SEC16B: variants seen among roughly 807,000 people sequenced by gnomAD.
SEC16B encodes protein transport protein Sec16B.
A neutral mutation model predicts 141.8 loss-of-function variants in SEC16B; 115 were observed. That is an observed-to-expected ratio of 0.81 (90% CI 0.70 to 0.95). SEC16B has a LOEUF of 0.95. Ranked by LOEUF, SEC16B falls within the 40% of genes least tolerant of loss-of-function variation. The probability of loss-of-function intolerance (pLI) is 0.00; values close to 1 mark genes in which losing one functional copy is unlikely to be tolerated. For synonymous variants in SEC16B, 493 were observed against 492.5 expected, an observed-to-expected ratio of 1.00 and a Z score of -0.01; for missense variants, 1,291 against 1,312.3, an observed-to-expected ratio of 0.98 and a Z score of 0.25.
Position 177,965,973 on chromosome 1 carries a change from T to C in SEC16B, c.332A>G (p.Gln111Arg). Residue 111 changes from glutamine (Q) to arginine (R), a missense_variant, in exon 3 of 26, where the codon CAG becomes CGG. Around this residue, in one of 3 missense-constraint regions of SEC16B, gnomAD observed 681 missense variants for 675.5 expected, o/e 1.01. Coordinates refer to ENST00000308284, the MANE Select transcript of SEC16B (RefSeq NM_033127.4). ...ATATTCCTCCCTCATTGTGGGAGAC[T>C]GATAGCTCTGATATGAATTCTCATA... ...PGYENSYQSY[Q>R]SPTMREEYAY... 2 of 1,591,006 alleles carry C rather than the reference T, an allele frequency of 1.3e-6. No homozygotes were observed. Among genetic ancestry groups the C allele is most frequent in the Non-Finnish European group, 1.7e-6 (2 of 1,166,934 alleles).
intron 25 of SEC16B, 25 bp downstream of exon 25, chr1:177,930,520 C>T (rs1157662915): frequency 6.4e-7 from 1 of 1,557,926 alleles, no homozygotes; most frequent in Non-Finnish European, 8.8e-7. Flanking sequence ...TCCTGGCCAG[C>T]CCCTCCCCCT....
intron 1 of SEC16B, 85 bp from the exon 2 acceptor site, chr1:177,968,124 G>T: frequency 1.3e-6 from 1 of 765,246 alleles, no homozygotes. Flanking sequence ...GAAAAGAGCA[G>T]CTATGGTCCT....
At chr1:177,973,538 A>G (rs1054818720), upstream of SEC16B, among the ~76,000 whole-genome samples, 1 of 152,174 alleles carries the variant, frequency 6.6e-6, no homozygotes, top group African/African-American at 2.4e-5. Flanking sequence ...TTGTCACATC[A>G]GTTACTAATT....
At position 177,946,242 on chromosome 1, in the gene SEC16B, T is replaced by A. The variant is rs890018934; in HGVS notation, c.1775+178A>T. 4.5e-6 allele frequency: 3 copies of A among 666,124 alleles called. No individual in the cohort carries two copies. In the African/African-American group the frequency reaches 5.4e-5, roughly 12 times the overall value. The allele number at this position is 666,124 out of a possible 1,614,324, so 41.3% of individuals were successfully genotyped here. On this transcript the variant is annotated intron_variant, in intron 14 of 25. Transcript: ENST00000308284. The stretch of plus-strand genomic sequence containing the variant: ...TGAGGCCCCCGCCAATGCTGTAATG[T>A]GGGGCCCACGGGGCATCTCCTTGCA...
At chr1:177,980,390 TG>T (rs1654358921) in intron 1 of SEC16B, among the ~76,000 whole-genome samples, 1 of 152,160 alleles carries the variant, frequency 6.6e-6, no homozygotes, top group Non-Finnish European at 1.5e-5. Flanking sequence ...TCAGTTCCTA[TG>T]GGAGAAAAGC....
intron 1 of SEC16B, among the ~76,000 whole-genome samples, chr1:177,980,146 A>C (rs547512748): frequency 6.6e-6 from 1 of 152,210 alleles, no homozygotes; most frequent in Admixed American, 6.5e-5. Flanking sequence ...TCCCTTTTAC[A>C]CTTAGGATGC....
In SEC16B at chr1:177,968,922, G is replaced by A. The variant is rs79592373; in HGVS notation, c.-58-883C>T. On this transcript the variant is annotated intron_variant, in intron 1 of 25. Coordinates refer to ENST00000308284, the MANE Select transcript of SEC16B (RefSeq NM_033127.4). ...TAGCATCAAACTAATTTTCCCCCACGTAATCCTGAAAAAGGGAAATTGCTC... is the reference window on the plus strand; with the variant it reads ...TAGCATCAAACTAATTTTCCCCCACATAATCCTGAAAAAGGGAAATTGCTC... 6.4e-3 allele frequency among the ~76,000 whole-genome samples: 975 copies of A among 152,200 alleles called. 30 individuals are homozygous for A. The highest frequency in any genetic ancestry group is 0.045 in the East Asian group (232 of 5,172).
chr1:177,954,028 C>T lies in SEC16B; in HGVS notation c.1463+251G>A, dbSNP rs535867858. ...AAGAAGGCTACTGCAATGTAAAAAC[C>T]TACTTAATTTTTGGAAAGTCTCACT... On this transcript the variant is annotated intron_variant, in intron 11 of 25. Coordinates refer to ENST00000308284, the MANE Select transcript of SEC16B (RefSeq NM_033127.4). 1.6e-4 allele frequency among the ~76,000 whole-genome samples: 24 copies of T among 152,266 alleles called. 1 individual carries two copies. The South Asian group carries it at 4.8e-3, about 30-fold the overall frequency.
chr1:177,963,915 G>A (rs1334955589), intron 5 of SEC16B, among the ~76,000 whole-genome samples: 1 of 152,202 alleles, frequency 6.6e-6, no homozygotes, highest in Non-Finnish European at 1.5e-5. Context: ...GAGTGAGCTA[G>A]GTGACATTTC....
chr1:177,936,225 G>A (rs1650827906), intron 20 of SEC16B, 73 bp downstream of exon 20: 1 of 1,271,764 alleles, frequency 7.9e-7, no homozygotes. Flanking sequence ...ATGTGGCTGG[G>A]AAACCAAGGC....
chr1:177,933,424 C>G, intron 21 of SEC16B, 60 bp downstream of exon 21: 1 of 1,586,222 alleles, frequency 6.3e-7, no homozygotes, highest in Non-Finnish European at 8.6e-7. Context: ...TCTGCACCAC[C>G]CTCGAGGAAG....
chr1:177,948,898 TAATC>T (rs1369499896), intron 12 of SEC16B, among the ~76,000 whole-genome samples: 6 of 149,498 alleles, frequency 4.0e-5, no homozygotes, highest in Non-Finnish European at 8.9e-5. Context: ...GGTTTGCACT[TAATC>T]AATTACATGT....
upstream of SEC16B, among the ~76,000 whole-genome samples, chr1:177,974,212 A>AG (rs1457913545): frequency 6.6e-6 from 1 of 151,992 alleles, no homozygotes; most frequent in Non-Finnish European, 1.5e-5. Flanking sequence ...GCTGAATGTG[A>AG]GGGGCCTGTG....
rs776062221 is a variant in SEC16B, at chr1:177,933,636, T to C, written c.2572A>G (p.Thr858Ala). ...CTTCGTGGTCTAGCAGCCAATGGTG[T>C]CTGGAATTAAAGAAATAACTCACAT... ...DGQEVISKPQ[T>A]PLAARPRSIS... Residue 858 changes from threonine (T) to alanine (A), a missense_variant and splice_region_variant, in exon 21 of 26, where the codon ACA (threonine) becomes GCA (alanine). Transcript: ENST00000308284. 6 of 1,613,702 alleles carry C rather than the reference T, an allele frequency of 3.7e-6. No homozygotes were observed. The Admixed American group carries it at 1.0e-4, about 27-fold the overall frequency.
At chr1:177,964,086 C>A in intron 5 of SEC16B, 85 bp downstream of exon 5, 1 of 942,392 alleles carries the variant, frequency 1.1e-6, no homozygotes, top group African/African-American at 1.7e-5. Flanking sequence ...GACATCCATC[C>A]CCAAGGGCCC....
chr1:177,934,916 C>T (rs563973422), intron 20 of SEC16B, among the ~76,000 whole-genome samples: 6 of 152,088 alleles, frequency 3.9e-5, no homozygotes, highest in South Asian at 2.1e-4. Context: ...TTACCATGGT[C>T]GTGGAGGCCC....
At chr1:177,948,000 A>G in intron 12 of SEC16B, 58 bp from the exon 13 acceptor site, 4 of 1,300,696 alleles carry the variant, frequency 3.1e-6, no homozygotes, top group South Asian at 1.3e-5. Flanking sequence ...AGATGTACAT[A>G]AAGAAGGCTG....
At chr1:177,947,127 G>A (rs1418060964) in intron 13 of SEC16B, among the ~76,000 whole-genome samples, 1 of 152,084 alleles carries the variant, frequency 6.6e-6, no homozygotes, top group East Asian at 1.9e-4. Flanking sequence ...ATCTGACTTG[G>A]CACAACCTAA....
intron 13 of SEC16B, among the ~76,000 whole-genome samples, chr1:177,947,142 T>C (rs1571322864): frequency 6.6e-6 from 1 of 152,072 alleles, no homozygotes; most frequent in East Asian, 1.9e-4. Context: ...ACCTAACCCA[T>C]AGCTATTAAA....
Sources: gnomAD v4.1 joint callset for allele counts (sites outside exome capture counted in the v4.1 genomes callset) on GRCh38, gnomAD v4.1.1 for gene constraint, gnomAD v4.1.1 regional missense constraint, MANE v1.5 for transcripts, NCBI Gene and HGNC (gene_info 2026-07-23, HGNC 2026-07-21) for gene names.